The following TM9SF3 variants were observed in gnomAD, a reference collection of about 807,000 sequenced individuals.
TM9SF3 encodes the protein transmembrane 9 superfamily member 3.
Under a neutral mutation model 78.6 loss-of-function variants are expected in TM9SF3, and 14 were observed. The ratio of observed to expected loss-of-function variants is 0.18; its 90% CI spans 0.12 to 0.28. The LOEUF (loss-of-function observed/expected upper bound fraction) is 0.28, where lower values mean the gene tolerates loss of function less well. Ranked by LOEUF, TM9SF3 falls within the 10% of genes least tolerant of loss-of-function variation. TM9SF3 has a pLI of 1.00. For missense variants in TM9SF3, 496 were observed against 721.9 expected (o/e 0.69, Z 3.59); for synonymous variants, 231 against 241.7 (o/e 0.96, Z 0.41).
At position 96,532,116 on chromosome 10, in the gene TM9SF3, G is replaced by T. The variant is rs7918075; in HGVS notation, c.1325+935C>A. 2.0e-3 allele frequency among the ~76,000 whole-genome samples: 311 copies of T among 151,798 alleles called. 2 individuals carry two copies. Among genetic ancestry groups the T allele is most frequent in the African/African-American group, 7.4e-3 (307 of 41,380 alleles). On this transcript the variant is annotated intron_variant, in intron 10 of 14. Transcript: ENST00000371142. Reference sequence around the variant, plus strand: ...TCCCAGTTACTCGGGAGGCTGAGGCGGAAGAATGGCATGAATCCAGGAAGT... The same window carrying T: ...TCCCAGTTACTCGGGAGGCTGAGGCTGAAGAATGGCATGAATCCAGGAAGT...
chr10:96,548,056 T>C (rs1848123170), intron 7 of TM9SF3, 67 bp from the exon 8 acceptor site: 10 of 973,668 alleles, frequency 1.0e-5, no homozygotes, highest in South Asian at 1.7e-5. Flanking sequence ...TAGTCTATTA[T>C]ATTAGCATTA....
intron 2 of TM9SF3, among the ~76,000 whole-genome samples, chr10:96,570,323 G>T (rs1183283279): frequency 1.3e-5 from 2 of 152,106 alleles, no homozygotes; most frequent in Non-Finnish European, 2.9e-5. Flanking sequence ...CAGAAGGACT[G>T]AAGAAAATAC....
chr10:96,550,760 A>T (rs909442481), intron 7 of TM9SF3, among the ~76,000 whole-genome samples: 3 of 152,170 alleles, frequency 2.0e-5, no homozygotes, highest in African/African-American at 4.8e-5. Flanking sequence ...TTTTTCAAAG[A>T]AGTCATCAAT....
intron 9 of TM9SF3, among the ~76,000 whole-genome samples, chr10:96,540,660 G>A (rs1848015310): frequency 6.7e-6 from 1 of 150,054 alleles, no homozygotes; most frequent in African/African-American, 2.5e-5. Context: ...CCCACACAAT[G>A]AGTCTTTGAT....
chr10:96,568,582 G>GA (rs1485069049), intron 2 of TM9SF3, among the ~76,000 whole-genome samples: 1 of 152,174 alleles, frequency 6.6e-6, no homozygotes, highest in Admixed American at 6.5e-5. Flanking sequence ...ACTGAGAAAA[G>GA]AAAGTGGTAA....
rs577858829 is a variant in TM9SF3 at position 96,586,816 on chromosome 10, G to A, written c.20C>T (p.Ala7Val). Residue 7 changes from alanine (A) to valine (V), a missense_variant, in exon 1 of 15, where the codon GCT (alanine) becomes GTT (valine). By Grantham distance (64) the Ala-to-Val change is moderately conservative. Transcript: ENST00000371142. ...CGCGGCGGCCGCCGCCACGCCAAGA[G>A]CGCCAGGCAGCGGCCTCATCCTCCG... MRPLPG[A>V]LGVAAAAALW... is the part of the protein sequence containing the mutation. The A allele has an allele frequency of 1.4e-5, 18 of 1,255,514 alleles. No homozygotes were observed. Among genetic ancestry groups the A allele is most frequent in the Admixed American group, 3.9e-5 (1 of 25,732 alleles). 77.8% of individuals were successfully genotyped at this position (1,255,514 alleles called of 1,614,324 possible). A position where few individuals can be genotyped will look rare whatever the true frequency, so the allele number is the denominator to read the frequency against.
chr10:96,584,191 A>G (rs983775478), intron 1 of TM9SF3, among the ~76,000 whole-genome samples: 2 of 152,220 alleles, frequency 1.3e-5, no homozygotes, highest in African/African-American at 4.8e-5. Flanking sequence ...TCAATTCTAC[A>G]TGTATTTACT....
At chr10:96,529,974 T>C (rs1378793218) in intron 11 of TM9SF3, among the ~76,000 whole-genome samples, 6 of 152,302 alleles carry the variant, frequency 3.9e-5, no homozygotes, top group Admixed American at 2.6e-4. Context: ...CACGGGGACA[T>C]AGACTAAGAA....
intron 2 of TM9SF3, among the ~76,000 whole-genome samples, chr10:96,569,878 A>G (rs1848420281): frequency 6.6e-6 from 1 of 152,162 alleles, no homozygotes; most frequent in South Asian, 2.1e-4. Context: ...CTAAAAATAC[A>G]AAAATCAGCT....
chr10:96,581,951 A>G (rs1271355177), intron 1 of TM9SF3, among the ~76,000 whole-genome samples: 5 of 152,124 alleles, frequency 3.3e-5, no homozygotes, highest in African/African-American at 9.7e-5. Context: ...AAAACAGAAG[A>G]CTATGCATCT....
chr10:96,586,830 C>A lies in TM9SF3; in HGVS notation c.6G>T (p.Arg2Ser). 8.1e-7 allele frequency: 1 copy of A among 1,227,592 alleles called. No homozygotes were observed. The allele number at this position is 1,227,592 out of a possible 1,614,324, so 76.0% of individuals were successfully genotyped here. Residue 2 changes from arginine (R) to serine (S), a missense_variant, in exon 1 of 15, where the codon AGG (arginine) becomes AGT (serine). Physicochemically the swap from Arg to Ser is moderately radical, Grantham distance 110. Coordinates refer to ENST00000371142, the MANE Select transcript of TM9SF3 (RefSeq NM_020123.4). M[R>S]PLPGALGVAA... The stretch of plus-strand genomic sequence containing the variant: ...CCACGCCAAGAGCGCCAGGCAGCGG[C>A]CTCATCCTCCGCGCCCCTCCGGCCC...
intron 7 of TM9SF3, among the ~76,000 whole-genome samples, chr10:96,550,481 A>G (rs1014230918): frequency 1.3e-5 from 2 of 152,200 alleles, no homozygotes; most frequent in Non-Finnish European, 2.9e-5. Context: ...AACTAGAGAA[A>G]AGTGTCATTC....
At chr10:96,538,710 A>G (rs7093362) in intron 9 of TM9SF3, among the ~76,000 whole-genome samples, 1 of 152,214 alleles carries the variant, frequency 6.6e-6, no homozygotes, top group Non-Finnish European at 1.5e-5. Context: ...TAAAATAGGC[A>G]AAAGATCTGA....
chr10:96,574,232 A>T (rs1012103749), intron 2 of TM9SF3, among the ~76,000 whole-genome samples: 4 of 152,156 alleles, frequency 2.6e-5, no homozygotes, highest in Non-Finnish European at 4.4e-5. Flanking sequence ...TACAAGAAAA[A>T]ACCAAACAAC....
rs909320717 is a variant in TM9SF3 at position 96,586,828 on chromosome 10, G to C, written c.8C>G (p.Pro3Arg). 10 of 1,230,760 alleles carry C rather than the reference G, an allele frequency of 8.1e-6. No homozygotes were observed. Among genetic ancestry groups the C allele is most frequent in the Non-Finnish European group, 1.0e-5 (10 of 988,790 alleles). 76.2% of individuals were successfully genotyped at this position (1,230,760 alleles called of 1,614,324 possible). A position where few individuals can be genotyped will look rare whatever the true frequency, so the allele number is the denominator to read the frequency against. Residue 3 changes from proline (P) to arginine (R), a missense_variant, in exon 1 of 15, where the codon CCG becomes CGG. Transcript: ENST00000371142. ...CGCCACGCCAAGAGCGCCAGGCAGC[G>C]GCCTCATCCTCCGCGCCCCTCCGGC... Reference protein sequence around the residue: MRPLPGALGVAAA... With the variant: MRRLPGALGVAAA...
chr10:96,566,833 G>A (rs1205819870), intron 2 of TM9SF3, among the ~76,000 whole-genome samples: 1 of 152,190 alleles, frequency 6.6e-6, no homozygotes, highest in Admixed American at 6.5e-5. Context: ...TCTCCAAGGA[G>A]TGTGATAATG....
At chr10:96,586,308 C>T (rs938621265) in intron 1 of TM9SF3, among the ~76,000 whole-genome samples, 4 of 152,208 alleles carry the variant, frequency 2.6e-5, no homozygotes, top group African/African-American at 9.7e-5. Flanking sequence ...AATCACGATG[C>T]ATCCATCTTC....
At chr10:96,580,953 C>G (rs1004392751) in intron 1 of TM9SF3, among the ~76,000 whole-genome samples, 3 of 152,136 alleles carry the variant, frequency 2.0e-5, no homozygotes, top group East Asian at 3.8e-4. Flanking sequence ...AGTATTTTTG[C>G]TAATCCCTAG....
intron 9 of TM9SF3, among the ~76,000 whole-genome samples, chr10:96,537,701 G>A (rs1317732849): frequency 4.6e-5 from 7 of 152,136 alleles, no homozygotes; most frequent in African/African-American, 1.2e-4. Context: ...GCGTGGTGAC[G>A]TGCACCTGTA....
Sources: allele counts gnomAD v4.1 joint callset (sites outside exome capture counted in the v4.1 genomes callset), GRCh38; gene constraint gnomAD v4.1.1; transcripts MANE v1.5; gene names NCBI Gene and HGNC (gene_info 2026-07-23, HGNC 2026-07-21).